PTPRH: variants seen among roughly 807,000 people sequenced by gnomAD.
PTPRH encodes the protein protein tyrosine phosphatase receptor type H.
PTPRH carries 113 observed loss-of-function variants against 130.2 expected under a neutral mutation model. The ratio of observed to expected loss-of-function variants is 0.87; its 90% confidence interval spans 0.75 to 1.01. The LOEUF (loss-of-function observed/expected upper bound fraction) is 1.01. PTPRH is among the 50% of genes least tolerant of loss of function. The pLI is 0.00. For missense variants in PTPRH, 1,430 were observed against 1,425.0 expected (o/e 1.00, Z -0.06); for synonymous variants, 556 against 577.9 (o/e 0.96, Z 0.54).
At chr19:55,189,794 A>G (rs1437125543) in intron 12 of PTPRH, 1 of 452,224 alleles carries the variant, frequency 2.2e-6, no homozygotes, top group Non-Finnish European at 4.4e-6. Context: ...CAGCCTGGGC[A>G]ACCTGGTAAG....
chr19:55,206,158 A>G (rs58460177), intron 3 of PTPRH, among the ~76,000 whole-genome samples: 3 of 151,822 alleles, frequency 2.0e-5, no homozygotes, highest in African/African-American at 7.3e-5. Flanking sequence ...ACTTGAACCC[A>G]GGAGGCAAAG....
chr19:55,185,462 G>A, intron 18 of PTPRH, 40 bp downstream of exon 18: 1 of 1,605,790 alleles, frequency 6.2e-7, no homozygotes, highest in Non-Finnish European at 8.5e-7. Flanking sequence ...CCCCAAGGGA[G>A]CGGTTCTCTC....
In PTPRH at chr19:55,191,733, C is replaced by T. The variant is rs772260526; in HGVS notation, c.2266G>A (p.Ala756Thr). Residue 756 changes from alanine (A) to threonine (T), a missense_variant, in exon 11 of 20, where the codon GCC becomes ACC. Physicochemically the swap from Ala to Thr is moderately conservative, Grantham distance 58 (BLOSUM62 0). Coordinates refer to ENST00000376350, the MANE Select transcript of PTPRH (RefSeq NM_002842.5). ...AGGAGGATGCCCACAAAGGCTCCGG[C>T]AATGACCCCTGTGGGGAGGAGGCAT... ...VCHTESAGVI[A>T]GAFVGILLFL... 3.7e-6 allele frequency: 6 copies of T among 1,613,890 alleles called. No homozygotes were observed. In the Admixed American group the frequency reaches 1.0e-4, roughly 27 times the overall value.
intron 18 of PTPRH, among the ~76,000 whole-genome samples, chr19:55,185,199 G>T (rs2147374643): frequency 6.6e-6 from 1 of 152,052 alleles, no homozygotes; most frequent in African/African-American, 2.4e-5. Flanking sequence ...TTGTATGTTG[G>T]CCAAGCTGTT....
chr19:55,181,377 G>A lies in PTPRH; in HGVS notation c.*377C>T, dbSNP rs1426006244. The A allele has an allele frequency of 5.0e-6, 1 of 199,108 alleles. No individual in the cohort carries two copies. The highest frequency in any genetic ancestry group is 1.0e-5 in the Non-Finnish European group (1 of 96,552). 12.3% of individuals were successfully genotyped at this position (199,108 alleles called of 1,614,324 possible). On this transcript the variant is annotated 3_prime_UTR_variant, in exon 20 of 20. Coordinates refer to ENST00000376350, the MANE Select transcript of PTPRH (RefSeq NM_002842.5). ...ATTATAGAAGACTGATTTGGTTTCT[G>A]AAGTAAAATCAAGGCAGGATCCTTC...
intron 12 of PTPRH, chr19:55,189,793 C>A (rs1056148214): frequency 2.2e-6 from 1 of 452,338 alleles, no homozygotes; most frequent in Admixed American, 2.4e-5. Flanking sequence ...CCAGCCTGGG[C>A]AACCTGGTAA....
chr19:55,185,688 T>C (rs1205590864), intron 17 of PTPRH, 26 bp from the exon 18 acceptor site: 1 of 1,611,564 alleles, frequency 6.2e-7, no homozygotes, highest in South Asian at 1.1e-5. Context: ...ACTCACAGGC[T>C]CTGGAGATGA....
At chr19:55,188,974 T>C (rs1451908095) in intron 12 of PTPRH, among the ~76,000 whole-genome samples, 2 of 152,206 alleles carry the variant, frequency 1.3e-5, no homozygotes, top group East Asian at 3.8e-4. Flanking sequence ...TCCTGTAGTT[T>C]CACTTTCTTT....
chr19:55,185,770 G>T (rs1169787052), intron 17 of PTPRH, 92 bp downstream of exon 17: 22 of 1,602,248 alleles, frequency 1.4e-5, no homozygotes, highest in Non-Finnish European at 1.8e-5. Flanking sequence ...TCAGAGGAGT[G>T]GGTGGAAGGT....
intron 14 of PTPRH, 94 bp downstream of exon 14, chr19:55,187,419 G>A (rs1336169624): frequency 1.2e-6 from 1 of 866,114 alleles, no homozygotes; most frequent in Non-Finnish European, 1.8e-6. Context: ...TAGGGGGCAG[G>A]ACTTGTTTCT....
rs561390680 is a variant in PTPRH at position 55,192,319 on chromosome 19, G to A, written c.2258-578C>T. Among the ~76,000 whole-genome samples, 7 of 151,826 alleles carry A rather than the reference G, an allele frequency of 4.6e-5. No homozygotes were observed. In the East Asian group the frequency reaches 7.9e-4, roughly 17 times the overall value. On this transcript the variant is annotated intron_variant, in intron 10 of 19. Coordinates refer to ENST00000376350, the MANE Select transcript of PTPRH (RefSeq NM_002842.5). ...CGGGAGGCTGAGGCAGGAGAATGGCGTGAACCCGGGAGGTGGAGCTTGCAG... is the reference window on the plus strand; with the variant it reads ...CGGGAGGCTGAGGCAGGAGAATGGCATGAACCCGGGAGGTGGAGCTTGCAG...
chr19:55,204,559 G>A (rs2086981835), intron 4 of PTPRH, among the ~76,000 whole-genome samples: 1 of 152,170 alleles, frequency 6.6e-6, no homozygotes, highest in South Asian at 2.1e-4. Flanking sequence ...ACTCAGCAGG[G>A]CTAGGATGGA....
chr19:55,186,564 C>G (rs1024404706), intron 14 of PTPRH, 24 bp from the exon 15 acceptor site: 1 of 1,109,556 alleles, frequency 9.0e-7, no homozygotes. Flanking sequence ...CCAGCATTAG[C>G]CAGGCAGAGA....
At position 55,186,112 on chromosome 19, in the gene PTPRH, C is replaced by T. The variant is rs56265043; in HGVS notation, c.2778+113G>A. 3,213 of 1,573,470 alleles carry T rather than the reference C, an allele frequency of 2.0e-3. 82 individuals carry two copies. In the African/African-American group the frequency reaches 0.038, roughly 18 times the overall value. ...GTGGGGAACAGGTCTACACTGAAGA[C>T]GCCTGGGGTTACCCTGGAGGAATCC... On this transcript the variant is annotated intron_variant, in intron 16 of 19. Coordinates refer to ENST00000376350, the MANE Select transcript of PTPRH (RefSeq NM_002842.5).
chr19:55,187,237 C>T (rs1406010321), intron 14 of PTPRH, among the ~76,000 whole-genome samples: 6 of 131,342 alleles, frequency 4.6e-5, no homozygotes, highest in East Asian at 2.4e-4. Flanking sequence ...CCCAGCTACT[C>T]GGGAGGCTGA....
Position 55,181,535 on chromosome 19 carries a change from C to A in PTPRH, c.*219G>T, listed in dbSNP as rs1308074179. 54 of 594,608 alleles carry A rather than the reference C, an allele frequency of 9.1e-5. 2 individuals carry two copies. Among genetic ancestry groups the A allele is most frequent in the Non-Finnish European group, 1.3e-4 (43 of 340,738 alleles). 36.8% of individuals were successfully genotyped at this position (594,608 alleles called of 1,614,324 possible). A position where few individuals can be genotyped will look rare whatever the true frequency, so the allele number is the denominator to read the frequency against. ...CCAAGCTATCATCCCTCTCCTCCTTCAGGGAACCAGGAATCCAGATCCCCA... is the reference window on the plus strand; with the variant it reads ...CCAAGCTATCATCCCTCTCCTCCTTAAGGGAACCAGGAATCCAGATCCCCA... On this transcript the variant is annotated 3_prime_UTR_variant, in exon 20 of 20. Transcript: ENST00000376350.
In PTPRH at chr19:55,206,916, G is replaced by T; in HGVS notation, c.125C>A (p.Thr42Asn). 6.2e-7 allele frequency: 1 copy of T among 1,610,912 alleles called. No individual in the cohort carries two copies. The highest frequency in any genetic ancestry group is 1.7e-5 in the Admixed American group (1 of 59,790). The part of the protein sequence containing the change: ...PGRNLTVETQ[T>N]TSSISLSWEV... ...CCAGCTCAGGGAGATGGAGCTGGTG[G>T]TCTGAGTCTCCACTGTCAGGTTCCT... Residue 42 changes from threonine (T) to asparagine (N), a missense_variant, in exon 3 of 20, where the codon ACC (threonine) becomes AAC (asparagine). Transcript: ENST00000376350.
intron 6 of PTPRH, 91 bp from the exon 7 acceptor site, chr19:55,200,593 C>T (rs2086829528): frequency 1.4e-6 from 2 of 1,396,360 alleles, no homozygotes; most frequent in Admixed American, 2.1e-5. Flanking sequence ...ACCATCTTAG[C>T]TCTTGTTCAA....
chr19:55,200,496 T>A lies in PTPRH; in HGVS notation c.1160A>T (p.Asn387Ile), dbSNP rs144851892. Residue 387 changes from asparagine (N) to isoleucine (I), a missense_variant, in exon 7 of 20, where the codon AAC becomes ATC. Physicochemically the swap from Asn to Ile is moderately radical, Grantham distance 149. Coordinates refer to ENST00000376350, the MANE Select transcript of PTPRH (RefSeq NM_002842.5). Reference protein sequence around the residue: ...RETRNATTAPNPVRNLHMETQ... With the variant: ...RETRNATTAPIPVRNLHMETQ... ...CTCCATATGGAGGTTTCTCACTGGG[T>A]TGGGGGCTGAGAAAGTAGGAAGAAG... 1.2e-6 allele frequency: 2 copies of A among 1,613,784 alleles called. No individual in the cohort carries two copies. The highest frequency in any genetic ancestry group is 1.7e-6 in the Non-Finnish European group (2 of 1,179,906).
Sources: gnomAD v4.1 joint callset for allele counts (sites outside exome capture counted in the v4.1 genomes callset) on GRCh38, gnomAD v4.1.1 for gene constraint, MANE v1.5 for transcripts, NCBI Gene and HGNC (gene_info 2026-07-23, HGNC 2026-07-21) for gene names.